XRCC5: variants seen among roughly 807,000 people sequenced by gnomAD.
XRCC5 encodes the protein X-ray repair cross complementing 5.
Under a neutral mutation model 95.7 loss-of-function variants are expected in XRCC5, and 12 were observed. The observed-to-expected ratio is 0.13, with a 90% CI of 0.08 to 0.20. The LOEUF (loss-of-function observed/expected upper bound fraction) is 0.20. Among genes scored for constraint, XRCC5 ranks in the 10% least tolerant of loss-of-function variants. The probability of loss-of-function intolerance (pLI) is 1.00; values close to 1 mark genes in which losing one functional copy is unlikely to be tolerated. For missense variants in XRCC5, 595 were observed against 873.9 expected (o/e 0.68, Z 4.02); for synonymous variants, 281 against 290.3 (o/e 0.97, Z 0.33).
chr2:216,172,982 G>C (rs948014347), intron 16 of XRCC5, among the ~76,000 whole-genome samples: 1 of 151,988 alleles, frequency 6.6e-6, no homozygotes, highest in African/African-American at 2.4e-5. Flanking sequence ...TTATTGCCAA[G>C]TATTCTTTTT....
intron 19 of XRCC5, among the ~76,000 whole-genome samples, chr2:216,200,238 C>G (rs1362690065): frequency 1.3e-5 from 2 of 152,142 alleles, no homozygotes; most frequent in African/African-American, 2.4e-5. Flanking sequence ...CTCATGCTCC[C>G]TTTTTCAAGA....
intron 13 of XRCC5, among the ~76,000 whole-genome samples, chr2:216,145,043 T>A (rs143420044): frequency 6.6e-6 from 1 of 151,274 alleles, no homozygotes; most frequent in African/African-American, 2.4e-5. Context: ...CAATGGGGAG[T>A]AGAGGTGAGC....
At chr2:216,134,432 T>TG (rs1327424913) in intron 10 of XRCC5, among the ~76,000 whole-genome samples, 1 of 140,490 alleles carries the variant, frequency 7.1e-6, no homozygotes, top group Non-Finnish European at 1.6e-5. Flanking sequence ...TTTTTTTTTG[T>TG]TTTTTTTTTT....
chr2:216,161,830 GAAATGA>G, intron 15 of XRCC5, 143 bp from the exon 16 acceptor site: 1 of 672,080 alleles, frequency 1.5e-6, no homozygotes, highest in Non-Finnish European at 2.6e-6. Flanking sequence ...CAGAGCCCTA[GAAATGA>G]AAATGAATAG....
intron 16 of XRCC5, among the ~76,000 whole-genome samples, chr2:216,162,290 G>T (rs1411947207): frequency 1.3e-5 from 2 of 152,038 alleles, no homozygotes; most frequent in African/African-American, 4.8e-5. Context: ...AAAACTTTGG[G>T]CCAACACCTT....
intron 9 of XRCC5, 82 bp downstream of exon 9, chr2:216,131,069 A>G: frequency 6.9e-7 from 1 of 1,446,430 alleles, no homozygotes; most frequent in Non-Finnish European, 9.4e-7. Flanking sequence ...TTTTATTTAT[A>G]AGGTATATTT....
At position 216,131,006 on chromosome 2, in the gene XRCC5, T is replaced by G. The variant is rs1222064525; in HGVS notation, c.1050+19T>G. On this transcript the variant is annotated intron_variant, in intron 9 of 20. Coordinates refer to ENST00000392132, the MANE Select transcript of XRCC5 (RefSeq NM_021141.4). Reference sequence around the variant, plus strand: ...TTCTCAGGTATGATTGTGAACAAACTAAATGAGCTTTTTCCTAGCTGTTAT... The same window carrying G: ...TTCTCAGGTATGATTGTGAACAAACGAAATGAGCTTTTTCCTAGCTGTTAT... 1.3e-6 allele frequency: 2 copies of G among 1,578,908 alleles called. No homozygotes were observed. Among genetic ancestry groups the G allele is most frequent in the South Asian group, 1.1e-5 (1 of 88,192 alleles).
chr2:216,111,155 T>C (rs2105997081), intron 1 of XRCC5, among the ~76,000 whole-genome samples: 1 of 152,362 alleles, frequency 6.6e-6, no homozygotes, highest in South Asian at 2.1e-4. Context: ...CGCATCAGTC[T>C]CCCTGTAACT....
chr2:216,190,345 C>T lies in XRCC5; in HGVS notation c.1944+11C>T. 1.2e-6 allele frequency: 2 copies of T among 1,603,958 alleles called. No homozygotes were observed. The highest frequency in any genetic ancestry group is 1.7e-6 in the Non-Finnish European group (2 of 1,171,654). Reference sequence around the variant, plus strand: ...GAAGAAGCCATTAAGGTAATGCTATCCTAGCATCTCTTTTCTTCCTAAACA... The same window carrying T: ...GAAGAAGCCATTAAGGTAATGCTATTCTAGCATCTCTTTTCTTCCTAAACA... On this transcript the variant is annotated intron_variant, in intron 17 of 20. Transcript: ENST00000392132.
intron 16 of XRCC5, among the ~76,000 whole-genome samples, chr2:216,179,462 A>C (rs920331800): frequency 1.3e-5 from 2 of 152,198 alleles, no homozygotes; most frequent in Non-Finnish European, 2.9e-5. Flanking sequence ...CCATGACAGC[A>C]CTATAGAGAA....
Position 216,132,313 on chromosome 2 carries a change from CCT to C in XRCC5, c.1051-7_1051-6del, listed in dbSNP as rs1156976486. ...ATTTTGGATCAAAAGCAATTCTTTT[CCT>C]CTCTTGTAGGTTCAGAGAAGATTCT... On this transcript the variant is annotated splice_polypyrimidine_tract_variant and intron_variant, in intron 9 of 20. Coordinates refer to ENST00000392132, the MANE Select transcript of XRCC5 (RefSeq NM_021141.4). 1 of 1,613,316 alleles carries C rather than the reference CCT, an allele frequency of 6.2e-7. No homozygotes were observed. The highest frequency in any genetic ancestry group is 8.5e-7 in the Non-Finnish European group (1 of 1,179,430).
chr2:216,163,077 A>G (rs1181535662), intron 16 of XRCC5, among the ~76,000 whole-genome samples: 1 of 151,870 alleles, frequency 6.6e-6, no homozygotes, highest in Non-Finnish European at 1.5e-5. Context: ...GTGAGTGTTT[A>G]TGTTTGTTCA....
At chr2:216,138,017 A>G in intron 11 of XRCC5, 72 bp from the exon 12 acceptor site, 2 of 1,306,008 alleles carry the variant, frequency 1.5e-6, no homozygotes, top group South Asian at 1.3e-5. Flanking sequence ...ACTTTCACAG[A>G]ATTTGGGATC....
At chr2:216,178,983 CAAAT>C (rs1252259138) in intron 16 of XRCC5, among the ~76,000 whole-genome samples, 1 of 152,212 alleles carries the variant, frequency 6.6e-6, no homozygotes, top group African/African-American at 2.4e-5. Context: ...AGACAGTAAA[CAAAT>C]AAGAAAATAT....
At chr2:216,168,460 A>T (rs956349533) in intron 16 of XRCC5, among the ~76,000 whole-genome samples, 7 of 152,228 alleles carry the variant, frequency 4.6e-5, no homozygotes, top group African/African-American at 1.7e-4. Context: ...ACTAAAGACC[A>T]TTATGCACAC....
Position 216,148,177 on chromosome 2 carries a change from C to T in XRCC5, c.1571C>T (p.Thr524Ile), listed in dbSNP as rs750678846. Residue 524 changes from threonine (T) to isoleucine (I), a missense_variant, in exon 14 of 21, where the codon ACA (threonine) becomes ATA (isoleucine). By Grantham distance (89) the Thr-to-Ile change is moderately conservative. Around this residue, in one of 2 missense-constraint regions of XRCC5, gnomAD observed 309 missense variants for 382.9 expected, o/e 0.81. Transcript: ENST00000392132. ...NMLNPPAEVT[T>I]KSQIPLSKIK... Reference sequence around the variant, plus strand: ...CTGAATCCTCCCGCTGAGGTGACAACAAAAAGTCAGATTCCTCTCTCTAAA... The same window carrying T: ...CTGAATCCTCCCGCTGAGGTGACAATAAAAAGTCAGATTCCTCTCTCTAAA... 3.2e-5 allele frequency: 52 copies of T among 1,613,932 alleles called. No homozygotes were observed. The Middle Eastern group carries it at 6.6e-4, about 20-fold the overall frequency.
intron 16 of XRCC5, among the ~76,000 whole-genome samples, chr2:216,172,384 T>C (rs1689180822): frequency 1.3e-5 from 2 of 151,860 alleles, no homozygotes; most frequent in Admixed American, 1.3e-4. Context: ...TCGGATACAC[T>C]CCAACTTTGT....
chr2:216,109,768 C>G (rs898084628), intron 1 of XRCC5, among the ~76,000 whole-genome samples: 39 of 150,534 alleles, frequency 2.6e-4, no homozygotes, highest in Admixed American at 2.6e-3. Flanking sequence ...CTCTCTCTCT[C>G]TTTATCCCAT....
At chr2:216,142,145 G>A (rs1025079774) in intron 13 of XRCC5, among the ~76,000 whole-genome samples, 1 of 151,824 alleles carries the variant, frequency 6.6e-6, no homozygotes. Flanking sequence ...GTATACCATT[G>A]CCCCCAGCCA....
Sources: allele counts gnomAD v4.1 joint callset (sites outside exome capture counted in the v4.1 genomes callset), GRCh38; gene constraint gnomAD v4.1.1; regional missense constraint gnomAD v4.1.1; transcripts MANE v1.5; gene names NCBI Gene and HGNC (gene_info 2026-07-23, HGNC 2026-07-21).